The following VDAC1 variants were observed in gnomAD, a reference collection of about 807,000 sequenced individuals.
VDAC1 encodes voltage dependent anion channel 1.
Under a neutral mutation model 34.7 loss-of-function variants are expected in VDAC1, and 10 were observed. The ratio of observed to expected loss-of-function variants is 0.29; its 90% CI spans 0.18 to 0.49. The LOEUF (loss-of-function observed/expected upper bound fraction) is 0.49, where lower values mean the gene tolerates loss of function less well. Ranked by LOEUF, VDAC1 falls within the 20% of genes least tolerant of loss-of-function variation. The pLI is 0.99. For synonymous variants in VDAC1, 130 were observed against 136.0 expected, an observed-to-expected ratio of 0.96 and a Z score of 0.30; for missense variants, 230 against 347.9, an observed-to-expected ratio of 0.66 and a Z score of 2.69.
the VDAC1 span, among the ~76,000 whole-genome samples, chr5:134,083,178 TTC>T: frequency 1.3e-5 from 2 of 149,784 alleles, no homozygotes; most frequent in African/African-American, 5.0e-5. Flanking sequence ...GCTTTTCTTT[TTC>T]TTTTTTTTTC....
the VDAC1 span, among the ~76,000 whole-genome samples, chr5:134,010,854 A>G: frequency 4.6e-5 from 7 of 152,216 alleles, no homozygotes; most frequent in East Asian, 1.2e-3. Context: ...GTACATATTT[A>G]ATATATATAT....
At chr5:134,033,807 A>G in the VDAC1 span, among the ~76,000 whole-genome samples, 1 of 151,946 alleles carries the variant, frequency 6.6e-6, no homozygotes, top group Non-Finnish European at 1.5e-5. Context: ...CCTGGCTAAC[A>G]CGGTGAAACC....
At chr5:133,980,675 C>G (rs1464273714) in intron 6 of VDAC1, 54 bp downstream of exon 6, 1 of 874,394 alleles carries the variant, frequency 1.1e-6, no homozygotes, top group African/African-American at 1.7e-5. Context: ...AATCCCCTTA[C>G]CACACATGCT....
At chr5:133,976,854 G>A (rs763211625) in intron 6 of VDAC1, among the ~76,000 whole-genome samples, 2 of 152,136 alleles carry the variant, frequency 1.3e-5, no homozygotes, top group Non-Finnish European at 2.9e-5. Flanking sequence ...GACCAGCCTG[G>A]CTAACATGAT....
the VDAC1 span, among the ~76,000 whole-genome samples, chr5:134,041,193 A>T: frequency 6.6e-6 from 1 of 152,156 alleles, no homozygotes; most frequent in Non-Finnish European, 1.5e-5. Context: ...GCTCCTTCCG[A>T]ACATCTTTGG....
chr5:134,113,816 C>T, the VDAC1 span, among the ~76,000 whole-genome samples: 1 of 152,232 alleles, frequency 6.6e-6, no homozygotes, highest in Non-Finnish European at 1.5e-5. Context: ...TTAGTCAGGC[C>T]AGGGTCAACT....
At chr5:134,045,227 G>A in the VDAC1 span, among the ~76,000 whole-genome samples, 2 of 152,248 alleles carry the variant, frequency 1.3e-5, no homozygotes, top group Non-Finnish European at 2.9e-5. Context: ...ATCAGCTTCA[G>A]TCAAGAAAGC....
At chr5:134,011,828 C>T in the VDAC1 span, among the ~76,000 whole-genome samples, 23 of 151,636 alleles carry the variant, frequency 1.5e-4, no homozygotes, top group African/African-American at 4.4e-4. Flanking sequence ...TTAGTAGAGA[C>T]GAGGTTTCAC....
the VDAC1 span, among the ~76,000 whole-genome samples, chr5:134,063,545 C>T: frequency 6.6e-6 from 1 of 152,180 alleles, no homozygotes; most frequent in African/African-American, 2.4e-5. Context: ...TGCACTGGGG[C>T]TTGCTGTATT....
At chr5:134,007,651 A>C (rs1459100193), upstream of VDAC1, among the ~76,000 whole-genome samples, 3 of 152,048 alleles carry the variant, frequency 2.0e-5, no homozygotes, top group African/African-American at 7.2e-5. Flanking sequence ...GAACTGAGAA[A>C]CCCAGGGATG....
chr5:134,080,308 C>T, the VDAC1 span, among the ~76,000 whole-genome samples: 1 of 152,228 alleles, frequency 6.6e-6, no homozygotes, highest in African/African-American at 2.4e-5. Flanking sequence ...TCTCCTTTTG[C>T]CCGGCCTGGG....
At chr5:133,980,232 C>G (rs1171198719) in intron 6 of VDAC1, among the ~76,000 whole-genome samples, 3 of 152,246 alleles carry the variant, frequency 2.0e-5, no homozygotes, top group African/African-American at 7.2e-5. Context: ...CCTATAATCA[C>G]TGTTTCCCTT....
chr5:134,050,109 C>T, the VDAC1 span, among the ~76,000 whole-genome samples: 3 of 151,946 alleles, frequency 2.0e-5, no homozygotes, highest in Admixed American at 6.6e-5. Flanking sequence ...ATTAGCCAGG[C>T]GTGATGGTAG....
At chr5:134,062,241 T>A in the VDAC1 span, among the ~76,000 whole-genome samples, 1 of 151,762 alleles carries the variant, frequency 6.6e-6, no homozygotes, top group Non-Finnish European at 1.5e-5. Flanking sequence ...TGCCTCAGCC[T>A]CCCAAAGTGC....
the VDAC1 span, among the ~76,000 whole-genome samples, chr5:134,019,715 C>T: frequency 6.6e-6 from 1 of 152,200 alleles, no homozygotes; most frequent in Non-Finnish European, 1.5e-5. Flanking sequence ...CCCACAGCTG[C>T]CCCAACCCCC....
the VDAC1 span, among the ~76,000 whole-genome samples, chr5:134,078,729 A>C: frequency 0.34 from 48,492 of 143,026 alleles, 9,525 homozygotes; most frequent in African/African-American, 0.56. Context: ...TGGCTCACTG[A>C]GACCTCCACC....
the VDAC1 span, among the ~76,000 whole-genome samples, chr5:134,053,299 A>T: frequency 6.6e-6 from 1 of 152,216 alleles, no homozygotes; most frequent in Non-Finnish European, 1.5e-5. Context: ...CCAGCAAGTC[A>T]GCAAAAAGAT....
chr5:133,984,864 A>G (rs939104415), intron 5 of VDAC1, among the ~76,000 whole-genome samples: 2 of 152,200 alleles, frequency 1.3e-5, no homozygotes, highest in Admixed American at 1.3e-4. Context: ...GGAACCCGGG[A>G]GGCAGAGGTT....
At chr5:134,113,858 T>C in the VDAC1 span, among the ~76,000 whole-genome samples, 1 of 152,196 alleles carries the variant, frequency 6.6e-6, no homozygotes, top group South Asian at 2.1e-4. Context: ...ATGCGACTTC[T>C]AGGGTTGAGT....
Sources: gnomAD v4.1 joint callset for allele counts (sites outside exome capture counted in the v4.1 genomes callset) on GRCh38, gnomAD v4.1.1 for gene constraint, MANE v1.5 for transcripts, NCBI Gene and HGNC (gene_info 2026-07-23, HGNC 2026-07-21) for gene names.